The following MYH11 variants were observed in gnomAD, a reference collection of about 807,000 sequenced individuals.
The protein encoded by MYH11 is myosin heavy chain 11.
MYH11 carries 80 observed loss-of-function variants against 246.6 expected under a neutral mutation model. That is an observed-to-expected ratio of 0.32 (90% CI 0.27 to 0.39). The LOEUF is 0.39. MYH11 is among the 10% of genes least tolerant of loss of function. MYH11 has a pLI of 1.00. For synonymous variants in MYH11, 1,071 were observed against 1,015.5 expected, an observed-to-expected ratio of 1.05 and a Z score of -1.04; for missense variants, 2,158 against 2,546.8, an observed-to-expected ratio of 0.85 and a Z score of 3.29.
At chr16:15,829,231 C>T (rs939711685) in intron 2 of MYH11, among the ~76,000 whole-genome samples, 2 of 151,914 alleles carry the variant, frequency 1.3e-5, no homozygotes, top group African/African-American at 4.8e-5. Context: ...AAGGAAGGAC[C>T]ACACTGCCTT....
chr16:15,751,182 C>T (rs373035779), intron 15 of MYH11, among the ~76,000 whole-genome samples: 3 of 150,244 alleles, frequency 2.0e-5, no homozygotes, highest in Admixed American at 1.3e-4. Context: ...TTTATTGAGA[C>T]GGAGTTTCAC....
intron 37 of MYH11, 150 bp from the exon 38 acceptor site, chr16:15,717,498 CAA>C (rs932901148): frequency 1.7e-5 from 13 of 769,776 alleles, no homozygotes; most frequent in African/African-American, 1.6e-4. Context: ...AAACTCCACT[CAA>C]GAGCTTCTTC....
At chr16:15,727,078 G>T (rs1322133891) in intron 27 of MYH11, 24 bp from the exon 28 acceptor site, 3 of 1,609,052 alleles carry the variant, frequency 1.9e-6, no homozygotes, top group Non-Finnish European at 2.5e-6. Flanking sequence ...CAGAGGGGAG[G>T]GATAACAGGG....
At chr16:15,795,498 C>G (rs1248494591) in intron 4 of MYH11, among the ~76,000 whole-genome samples, 1 of 150,298 alleles carries the variant, frequency 6.7e-6, no homozygotes, top group Non-Finnish European at 1.5e-5. Flanking sequence ...GTTATCCCAG[C>G]TACTCGGGAG....
Position 15,735,377 on chromosome 16 carries a change from C to T in MYH11, c.3495G>A (p.Gln1165=), listed in dbSNP as rs1189305073. ...LEDTLDSTAT[Q]QELRAKREQE... ...GATGGGCCCCTCACCTGAGCTCCTGCTGAGTGGCTGTGCTGTCCAGTGTGT... is the reference window on the plus strand; with the variant it reads ...GATGGGCCCCTCACCTGAGCTCCTGTTGAGTGGCTGTGCTGTCCAGTGTGT... Residue 1165 remains glutamine, a synonymous_variant, in exon 26 of 41, where the codon CAG becomes CAA. Transcript: ENST00000300036. 3 of 1,613,766 alleles carry T rather than the reference C, an allele frequency of 1.9e-6. No individual in the cohort carries two copies.
At chr16:15,721,295 C>T (rs918948935) in intron 32 of MYH11, 127 bp downstream of exon 32, 101 of 1,187,752 alleles carry the variant, frequency 8.5e-5, no homozygotes, top group Non-Finnish European at 2.3e-5. Context: ...AGTCCAAAAA[C>T]CTCCTTCCAT....
intron 8 of MYH11, among the ~76,000 whole-genome samples, chr16:15,775,011 C>G (rs2042187020): frequency 6.6e-6 from 1 of 152,168 alleles, no homozygotes; most frequent in Admixed American, 6.5e-5. Flanking sequence ...AAATAACTAA[C>G]CTTGGGCCAC....
chr16:15,848,917 C>G (rs892336910), intron 1 of MYH11, among the ~76,000 whole-genome samples: 11 of 152,288 alleles, frequency 7.2e-5, no homozygotes, highest in African/African-American at 2.6e-4. Context: ...CACTCTTCAT[C>G]TACCTTGATG....
intron 2 of MYH11, among the ~76,000 whole-genome samples, chr16:15,828,494 C>A (rs1261370327): frequency 4.6e-5 from 7 of 152,118 alleles, no homozygotes; most frequent in African/African-American, 1.7e-4. Context: ...ATCTCCTGCA[C>A]CCCGCACAGT....
intron 3 of MYH11, among the ~76,000 whole-genome samples, chr16:15,806,455 G>A (rs2043017204): frequency 6.6e-6 from 1 of 152,100 alleles, no homozygotes; most frequent in African/African-American, 2.4e-5. Flanking sequence ...ACAAAAAAAT[G>A]TGCACAAGAT....
intron 38 of MYH11, among the ~76,000 whole-genome samples, chr16:15,716,469 AGT>A (rs1348321033): frequency 6.6e-6 from 1 of 152,132 alleles, no homozygotes; most frequent in African/African-American, 2.4e-5. Flanking sequence ...GAAGGCTTCC[AGT>A]GTGTGTACCA....
At chr16:15,717,602 C>G in intron 37 of MYH11, 1 of 582,836 alleles carries the variant, frequency 1.7e-6, no homozygotes, top group Admixed American at 3.0e-5. Context: ...CGAGACCTGC[C>G]TGGCCAACAT....
chr16:15,736,018 G>A (rs1031270081), intron 25 of MYH11, among the ~76,000 whole-genome samples: 1 of 152,208 alleles, frequency 6.6e-6, no homozygotes, highest in African/African-American at 2.4e-5. Flanking sequence ...ACTGCTTGCG[G>A]GGGATATTCA....
intron 38 of MYH11, among the ~76,000 whole-genome samples, chr16:15,716,251 C>T (rs911797861): frequency 2.6e-5 from 4 of 151,920 alleles, no homozygotes; most frequent in African/African-American, 4.8e-5. Context: ...CTGTTTGAGC[C>T]GATGAAAATG....
rs151058774 is a variant in MYH11 at position 15,724,977 on chromosome 16, C to G, written c.3874G>C (p.Val1292Leu). 53 of 1,613,998 alleles carry G rather than the reference C, an allele frequency of 3.3e-5. No individual in the cohort carries two copies. In the African/African-American group the frequency reaches 5.6e-4, roughly 17 times the overall value. ...VHKLQNEVES[V>L]TGMLNEAEGK... ...TCGGCCTCGTTAAGCATCCCTGTGA[C>G]GCTCTCAACTTCATTCTAAGGGTGC... The change falls in exon 29 of 41, where the codon GTC (valine) becomes CTC (leucine). Residue 1292 changes from valine (V) to leucine (L), a missense_variant. By Grantham distance (32) the Val-to-Leu change is conservative. This residue lies in a region of MYH11 where 1,013 missense variants were observed against 993.5 expected (regional missense o/e 1.02). Coordinates refer to ENST00000300036, the MANE Select transcript of MYH11 (RefSeq NM_002474.3).
chr16:15,733,893 G>T (rs772804859), intron 26 of MYH11, among the ~76,000 whole-genome samples: 2 of 152,210 alleles, frequency 1.3e-5, no homozygotes, highest in Non-Finnish European at 2.9e-5. Context: ...GGAGCAGAAC[G>T]CTGTGCTCTA....
At chr16:15,739,300 C>T (rs546826275) in intron 23 of MYH11, among the ~76,000 whole-genome samples, 1 of 152,174 alleles carries the variant, frequency 6.6e-6, no homozygotes, top group Non-Finnish European at 1.5e-5. Context: ...GGGGTTTTAC[C>T]GTGTTGGCCA....
chr16:15,743,590 C>A (rs531095441), intron 20 of MYH11, among the ~76,000 whole-genome samples: 1 of 152,344 alleles, frequency 6.6e-6, no homozygotes, highest in South Asian at 2.1e-4. Flanking sequence ...AAGCCCCTGC[C>A]TGGCACAAGG....
chr16:15,719,153 G>A, intron 36 of MYH11, 67 bp downstream of exon 36: 1 of 1,465,284 alleles, frequency 6.8e-7, no homozygotes, highest in Non-Finnish European at 9.5e-7. Flanking sequence ...ATAAAATGGG[G>A]GTCGAGGATG....
Sources: allele counts gnomAD v4.1 joint callset (sites outside exome capture counted in the v4.1 genomes callset), GRCh38; gene constraint gnomAD v4.1.1; regional missense constraint gnomAD v4.1.1; transcripts MANE v1.5; gene names NCBI Gene and HGNC (gene_info 2026-07-23, HGNC 2026-07-21).